Variants in NRXN2 observed in about 807,000 individuals in gnomAD.
The protein encoded by NRXN2 is neurexin 2, also known as neurexin-2-beta.
NRXN2 carries 29 observed loss-of-function variants against 128.8 expected under a neutral mutation model. The ratio of observed to expected loss-of-function variants is 0.23; its 90% CI spans 0.17 to 0.31. NRXN2 has a LOEUF of 0.31. NRXN2 is among the 10% of genes least tolerant of loss of function. The probability of loss-of-function intolerance (pLI) is 1.00; values close to 1 mark genes in which losing one functional copy is unlikely to be tolerated. For missense variants in NRXN2, 1,881 were observed against 2,452.6 expected, an observed-to-expected ratio of 0.77 and a Z score of 4.92; for synonymous variants, 1,098 against 1,075.2, an observed-to-expected ratio of 1.02 and a Z score of -0.41.
chr11:64,694,120 C>T (rs2054188688), intron 3 of NRXN2, among the ~76,000 whole-genome samples: 1 of 152,180 alleles, frequency 6.6e-6, no homozygotes, highest in African/African-American at 2.4e-5. Flanking sequence ...CTGGCAGCAC[C>T]AGGCCCCACA....
At chr11:64,717,220 G>A (rs1305558581) in intron 1 of NRXN2, among the ~76,000 whole-genome samples, 2 of 152,220 alleles carry the variant, frequency 1.3e-5, no homozygotes, top group Admixed American at 6.5e-5. Flanking sequence ...CAGCGTCCAA[G>A]TACTGCCCCC....
At chr11:64,699,108 T>G (rs565796020) in intron 2 of NRXN2, among the ~76,000 whole-genome samples, 46 of 152,344 alleles carry the variant, frequency 3.0e-4, no homozygotes, top group Middle Eastern at 3.4e-3. Context: ...GTAGCTATAC[T>G]CTGAAAACAA....
Position 64,660,743 on chromosome 11 carries a change from C to G in NRXN2, c.2185+10G>C. On this transcript the variant is annotated intron_variant, in intron 10 of 22. Transcript: ENST00000265459. The surrounding 1 kb of genome is among the most constrained non-coding windows in gnomAD (Gnocchi z 5.2). The stretch of plus-strand genomic sequence containing the variant: ...GGAGCAGGGACACCTAGGATGAAGA[C>G]CAGCCTCACCTCTCTCACAGACCCG... The G allele has an allele frequency of 6.2e-7, 1 of 1,609,564 alleles. No individual in the cohort carries two copies.
At chr11:64,682,609 G>A (rs1451003128) in intron 6 of NRXN2, among the ~76,000 whole-genome samples, 1 of 152,256 alleles carries the variant, frequency 6.6e-6, no homozygotes, top group Admixed American at 6.5e-5. Context: ...TCCAAGCTGG[G>A]CAGGAGGAAG....
chr11:64,723,101 C>G lies in NRXN2; in HGVS notation c.-375G>C, dbSNP rs1437711693. ...GCCTCTCTCCCTCCCCGCCGCGTCC[C>G]CGCCCGCCCGCCCGCCCCGCCGCGG... On this transcript the variant is annotated 5_prime_UTR_variant, in exon 1 of 23. Transcript: ENST00000265459. 4.1e-4 allele frequency: 57 copies of G among 140,668 alleles called. No individual in the cohort carries two copies. Among genetic ancestry groups the G allele is most frequent in the African/African-American group, 1.3e-3 (50 of 37,058 alleles). The allele number at this position is 140,668 out of a possible 1,614,324, so 8.7% of individuals were successfully genotyped here.
At chr11:64,673,845 C>G (rs2050942570) in intron 7 of NRXN2, among the ~76,000 whole-genome samples, 1 of 151,968 alleles carries the variant, frequency 6.6e-6, no homozygotes, top group African/African-American at 2.4e-5. Flanking sequence ...TCGAGACCAG[C>G]CTGGCAACAC....
chr11:64,653,725 G>A lies in NRXN2; in HGVS notation c.2390-3C>T, dbSNP rs561690501. 5.0e-6 allele frequency: 8 copies of A among 1,587,318 alleles called. No individual in the cohort carries two copies. The highest frequency in any genetic ancestry group is 4.5e-5 in the East Asian group (2 of 44,148). ...TGCGCAGCCGACGCGCAGGCAGTCT[G>A]GGGGGGCCATGGGGCGGGCAGAGGG... On this transcript the variant is annotated splice_polypyrimidine_tract_variant and splice_region_variant and intron_variant, in intron 11 of 22. Transcript: ENST00000265459.
chr11:64,651,834 G>A lies in NRXN2; in HGVS notation c.2537-198C>T, dbSNP rs1237765798. On this transcript the variant is annotated intron_variant, in intron 13 of 22. Coordinates refer to ENST00000265459, the MANE Select transcript of NRXN2 (RefSeq NM_015080.4). The surrounding 1 kb of genome is among the most constrained non-coding windows in gnomAD (Gnocchi z 5.9). ...CAGTCAAGAGCCAACAGGCTGCCAG[G>A]GGAATGCTGCCTACAGGGAGTTGAA... Among the ~76,000 whole-genome samples the A allele has an allele frequency of 6.6e-6, 1 of 152,164 alleles. No homozygotes were observed. Among genetic ancestry groups the A allele is most frequent in the Non-Finnish European group, 1.5e-5 (1 of 68,018 alleles).
intron 2 of NRXN2, among the ~76,000 whole-genome samples, chr11:64,704,228 G>C (rs2055888038): frequency 6.6e-6 from 1 of 152,138 alleles, no homozygotes; most frequent in Non-Finnish European, 1.5e-5. Flanking sequence ...GACAGAGATG[G>C]TGTCATAGAT....
chr11:64,624,829 A>G (rs1410883651), intron 20 of NRXN2, among the ~76,000 whole-genome samples: 1 of 152,228 alleles, frequency 6.6e-6, no homozygotes, highest in Non-Finnish European at 1.5e-5. Context: ...TCATCCAATA[A>G]ATATTTATTG....
intron 6 of NRXN2, among the ~76,000 whole-genome samples, chr11:64,679,497 C>G (rs573539612): frequency 6.6e-6 from 1 of 152,030 alleles, no homozygotes; most frequent in Non-Finnish European, 1.5e-5. Context: ...ATTAGCCAGG[C>G]GTGGTGGCGG....
chr11:64,639,506 T>C (rs1591689711), intron 17 of NRXN2, among the ~76,000 whole-genome samples: 1 of 152,016 alleles, frequency 6.6e-6, no homozygotes, highest in African/African-American at 2.4e-5. Flanking sequence ...CACGGTGGGG[T>C]GGGAGGAACC....
At chr11:64,700,264 C>T (rs961347990) in intron 2 of NRXN2, among the ~76,000 whole-genome samples, 2 of 152,212 alleles carry the variant, frequency 1.3e-5, no homozygotes, top group African/African-American at 4.8e-5. Context: ...TGTGTCCACC[C>T]AGCAGTGCAA....
rs2054756307 is a variant in NRXN2, at chr11:64,697,699, A to G, written c.748+76T>C. ...ATGGCAGGAAAGGGAGTCCTTGGGT[A>G]GCCAACGACAGTCCCTCATGTAGGA... On this transcript the variant is annotated intron_variant, in intron 3 of 22. Transcript: ENST00000265459. 5.1e-6 allele frequency: 8 copies of G among 1,562,020 alleles called. No homozygotes were observed. In the South Asian group the frequency reaches 7.8e-5, roughly 15 times the overall value.
At chr11:64,650,297 T>C in intron 15 of NRXN2, 151 bp downstream of exon 15, 1 of 785,074 alleles carries the variant, frequency 1.3e-6, no homozygotes, top group East Asian at 2.5e-5. Context: ...GACAGGAAGA[T>C]GTCAGGCTGG....
chr11:64,646,339 C>T (rs1171431651), intron 17 of NRXN2: 1 of 152,484 alleles, frequency 6.6e-6, no homozygotes, highest in Non-Finnish European at 1.5e-5. Flanking sequence ...GTAGCACAAC[C>T]CTCACTTCCC....
chr11:64,622,011 G>A lies in NRXN2; in HGVS notation c.4173+742C>T, dbSNP rs1468081789. Among the ~76,000 whole-genome samples, 8 of 152,034 alleles carry A rather than the reference G, an allele frequency of 5.3e-5. No homozygotes were observed. Among genetic ancestry groups the A allele is most frequent in the Non-Finnish European group, 1.2e-4 (8 of 67,990 alleles). ...AGGCCCCTCCTCCCTACCAGTCTGT[G>A]CTGCAGGAAGCCTGGGACTAGGCTA... On this transcript the variant is annotated intron_variant, in intron 21 of 22. Transcript: ENST00000265459. This position sits in a 1 kb window ranked among gnomAD's most constrained non-coding sequence, Gnocchi z 4.3.
chr11:64,713,521 T>G lies in NRXN2; in HGVS notation c.179A>C (p.Asn60Thr). The change falls in exon 2 of 23, where the codon AAC becomes ACC. Residue 60 changes from asparagine (N) to threonine (T), a missense_variant. Physicochemically the swap from Asn to Thr is moderately conservative, Grantham distance 65. Transcript: ENST00000265459. ...SGELSFSLRT[N>T]ATRALLLYLD... ...GTAGAGCAGCAGCGCGCGCGTGGCG[T>G]TGGTGCGCAGGCTGAAGCTGAGCTC... 1 of 1,509,598 alleles carries G rather than the reference T, an allele frequency of 6.6e-7. No homozygotes were observed. The highest frequency in any genetic ancestry group is 8.8e-7 in the Non-Finnish European group (1 of 1,136,978). The allele number at this position is 1,509,598 out of a possible 1,614,324, so 93.5% of individuals were successfully genotyped here.
intron 2 of NRXN2, 39 bp from the exon 3 acceptor site, chr11:64,697,831 G>C (rs1305038934): frequency 6.2e-7 from 1 of 1,612,844 alleles, no homozygotes; most frequent in East Asian, 2.2e-5. Context: ...GAGGCAGAGA[G>C]AGAAGAAAAA....
Sources: allele counts gnomAD v4.1 joint callset (sites outside exome capture counted in the v4.1 genomes callset), GRCh38; gene constraint gnomAD v4.1.1; non-coding constraint Gnocchi (gnomAD v3.1); transcripts MANE v1.5; gene names NCBI Gene and HGNC (gene_info 2026-07-23, HGNC 2026-07-21).